SYT1: variants seen among roughly 807,000 people sequenced by gnomAD.
SYT1 encodes the protein synaptotagmin 1.
SYT1 carries 8 observed loss-of-function variants against 44.8 expected under a neutral mutation model. The ratio of observed to expected loss-of-function variants is 0.18; its 90% CI spans 0.10 to 0.32. The LOEUF (loss-of-function observed/expected upper bound fraction) is 0.32, where lower values mean the gene tolerates loss of function less well. Among genes scored for constraint, SYT1 ranks in the 10% least tolerant of loss-of-function variants. SYT1 has a pLI of 1.00. For missense variants in SYT1, 286 were observed against 509.3 expected, an observed-to-expected ratio of 0.56 and a Z score of 4.22; for synonymous variants, 154 against 188.8, an observed-to-expected ratio of 0.82 and a Z score of 1.51.
intron 8 of SYT1, among the ~76,000 whole-genome samples, chr12:79,330,978 A>G (rs1279174981): frequency 1.3e-5 from 2 of 152,138 alleles, no homozygotes; most frequent in Non-Finnish European, 2.9e-5. Flanking sequence ...CTTCCAGTCC[A>G]TTTTCGTTTC....
chr12:78,903,537 G>A (rs1012392904), intron 1 of SYT1, among the ~76,000 whole-genome samples: 2 of 151,852 alleles, frequency 1.3e-5, no homozygotes, highest in Admixed American at 6.6e-5. Context: ...TGCCCGCCTC[G>A]GCCTCCCAAA....
At chr12:79,016,095 T>C (rs1198346501) in intron 2 of SYT1, among the ~76,000 whole-genome samples, 1 of 152,318 alleles carries the variant, frequency 6.6e-6, no homozygotes, top group East Asian at 1.9e-4. Flanking sequence ...CTGTTTAAGT[T>C]ACCATTTCTA....
intron 4 of SYT1, among the ~76,000 whole-genome samples, chr12:79,235,664 TAGA>T (rs1472634765): frequency 2.0e-5 from 3 of 149,074 alleles, no homozygotes; most frequent in Non-Finnish European, 4.4e-5. Flanking sequence ...TATAATGACA[TAGA>T]AGTCATTTCC....
At chr12:78,932,433 C>A (rs906303351) in intron 1 of SYT1, among the ~76,000 whole-genome samples, 2 of 152,238 alleles carry the variant, frequency 1.3e-5, no homozygotes, top group Non-Finnish European at 2.9e-5. Flanking sequence ...TTCTAAAACA[C>A]TTGGATAGTT....
At chr12:79,328,370 T>C (rs982031438) in intron 8 of SYT1, among the ~76,000 whole-genome samples, 20 of 152,198 alleles carry the variant, frequency 1.3e-4, no homozygotes, top group African/African-American at 4.3e-4. Flanking sequence ...TTGGACATGT[T>C]CATTAAAACA....
chr12:79,150,994 C>T (rs1025746306), intron 3 of SYT1, among the ~76,000 whole-genome samples: 12 of 151,920 alleles, frequency 7.9e-5, no homozygotes, highest in Non-Finnish European at 1.3e-4. Context: ...ATAAGAAGAG[C>T]GACTCCTCGA....
intron 2 of SYT1, among the ~76,000 whole-genome samples, chr12:78,991,921 A>T (rs1870046748): frequency 1.3e-5 from 2 of 152,176 alleles, no homozygotes. Flanking sequence ...GTATCATTAC[A>T]TGAAGAGCTA....
chr12:79,253,497 C>CTCTT (rs1877344278), intron 4 of SYT1, among the ~76,000 whole-genome samples: 1 of 150,868 alleles, frequency 6.6e-6, no homozygotes, highest in Non-Finnish European at 1.5e-5. Flanking sequence ...CTCTCTCTCT[C>CTCTT]TCTCTCTCTC....
At chr12:78,899,392 GA>G (rs1875535631) in intron 1 of SYT1, among the ~76,000 whole-genome samples, 1 of 151,604 alleles carries the variant, frequency 6.6e-6, no homozygotes, top group African/African-American at 2.4e-5. Context: ...ACGAACCCTG[GA>G]AAAAATTTTC....
chr12:79,246,870 T>C (rs1876880936), intron 4 of SYT1, among the ~76,000 whole-genome samples: 1 of 152,160 alleles, frequency 6.6e-6, no homozygotes, highest in Non-Finnish European at 1.5e-5. Flanking sequence ...TTCTGGAAAA[T>C]TAAGGGGATG....
At chr12:79,214,094 C>A (rs1252509232) in intron 3 of SYT1, among the ~76,000 whole-genome samples, 1 of 152,106 alleles carries the variant, frequency 6.6e-6, no homozygotes, top group African/African-American at 2.4e-5. Context: ...AATATTATCT[C>A]TCAAGATATG....
chr12:79,195,425 G>T (rs981812083), intron 3 of SYT1, among the ~76,000 whole-genome samples: 1 of 151,032 alleles, frequency 6.6e-6, no homozygotes, highest in Non-Finnish European at 1.5e-5. Flanking sequence ...GGGTTGAGTG[G>T]TATATAGAGT....
At chr12:79,175,018 T>C (rs971584538) in intron 3 of SYT1, among the ~76,000 whole-genome samples, 3 of 152,082 alleles carry the variant, frequency 2.0e-5, no homozygotes, top group Non-Finnish European at 4.4e-5. Flanking sequence ...TGTTTTATTA[T>C]ATCTTCAAAA....
chr12:79,083,075 T>G (rs1357144780), intron 3 of SYT1, among the ~76,000 whole-genome samples: 1 of 151,292 alleles, frequency 6.6e-6, no homozygotes, highest in African/African-American at 2.4e-5. Flanking sequence ...TAAGAAAATA[T>G]ATTTAAAAAA....
intron 4 of SYT1, among the ~76,000 whole-genome samples, chr12:79,232,301 A>G (rs964607640): frequency 6.6e-6 from 1 of 152,228 alleles, no homozygotes; most frequent in Non-Finnish European, 1.5e-5. Context: ...ATTACAACTC[A>G]GAACTTTTCT....
rs1592970427 is a variant in SYT1, at chr12:79,328,513, A to T, written c.811-24989A>T. Reference sequence around the variant, plus strand: ...ACAGTCAAGGAGCATTATTTAATTTATCTGATTCCACTATCTCTTTACCAA... The same window carrying T: ...ACAGTCAAGGAGCATTATTTAATTTTTCTGATTCCACTATCTCTTTACCAA... On this transcript the variant is annotated intron_variant, in intron 8 of 10. Transcript: ENST00000261205. 2.0e-5 allele frequency among the ~76,000 whole-genome samples: 3 copies of T among 152,194 alleles called. 1 individual carries two copies. Among genetic ancestry groups the T allele is most frequent in the Admixed American group, 2.0e-4 (3 of 15,280 alleles).
chr12:79,395,372 C>A (rs1029216780), intron 9 of SYT1, among the ~76,000 whole-genome samples: 1 of 152,080 alleles, frequency 6.6e-6, no homozygotes, highest in African/African-American at 2.4e-5. Context: ...GGGCCCACGA[C>A]CACGCCCAGC....
intron 1 of SYT1, among the ~76,000 whole-genome samples, chr12:78,875,355 T>A (rs1267931606): frequency 6.6e-6 from 1 of 151,434 alleles, no homozygotes; most frequent in African/African-American, 2.4e-5. Context: ...AGAGAGACCA[T>A]TAAAAACAAC....
In SYT1 at chr12:79,183,963, AT is replaced by A. The variant is rs150250559; in HGVS notation, c.-17-33539del. Among the ~76,000 whole-genome samples the A allele has an allele frequency of 8.5e-5, 13 of 152,190 alleles. No individual in the cohort carries two copies. The East Asian group carries it at 2.1e-3, about 25-fold the overall frequency. ...TAGCAGCTCACAGCAGGGCCACATC[AT>A]CGTCTCCGCCAGCCACCATTTTTCT... On this transcript the variant is annotated intron_variant, in intron 3 of 10. Transcript: ENST00000261205.
Sources: gnomAD v4.1 joint callset for allele counts (sites outside exome capture counted in the v4.1 genomes callset) on GRCh38, gnomAD v4.1.1 for gene constraint, MANE v1.5 for transcripts, NCBI Gene and HGNC (gene_info 2026-07-23, HGNC 2026-07-21) for gene names.